Variants in GOLGA4 observed in about 807,000 individuals in gnomAD.
The protein encoded by GOLGA4 is golgin A4.
In GOLGA4, 169 loss-of-function variants were observed where a neutral mutation model predicts 265.9. The observed-to-expected ratio is 0.64, with a 90% CI of 0.56 to 0.72. The LOEUF (loss-of-function observed/expected upper bound fraction) is 0.72. GOLGA4 is among the 30% of genes least tolerant of loss of function. GOLGA4 has a pLI of 0.00. For synonymous variants in GOLGA4, 923 were observed against 855.8 expected, an observed-to-expected ratio of 1.08 and a Z score of -1.37; for missense variants, 2,482 against 2,483.4, an observed-to-expected ratio of 1.00 and a Z score of 0.01.
chr3:37,301,719 T>C (rs2096893147), intron 9 of GOLGA4, among the ~76,000 whole-genome samples: 1 of 152,218 alleles, frequency 6.6e-6, no homozygotes, highest in African/African-American at 2.4e-5. Context: ...GTTTGTGAAG[T>C]ATTGAAATAA....
chr3:37,349,850 T>A (rs1357195513), intron 21 of GOLGA4, among the ~76,000 whole-genome samples: 1 of 152,206 alleles, frequency 6.6e-6, no homozygotes. Context: ...TTTCTTCGTC[T>A]GCTTTTGTAC....
Position 37,251,477 on chromosome 3 carries a change from A to G in GOLGA4, c.155A>G (p.Asn52Ser). The G allele has an allele frequency of 1.3e-6, 2 of 1,588,860 alleles. No homozygotes were observed. Among genetic ancestry groups the G allele is most frequent in the Non-Finnish European group, 1.7e-6 (2 of 1,157,018 alleles). ...FTEQLDEGTPNRESGDTQSFA... is the reference protein window; with the variant it reads ...FTEQLDEGTPSRESGDTQSFA... ...GAGCAACTTGATGAAGGTACACCCA[A>G]TAGAGAGGTAAGTTTGGAATTCCTT... is the stretch of plus-strand genomic sequence containing the variant. Residue 52 changes from asparagine to serine, a missense_variant, in exon 2 of 24, where the codon AAT becomes AGT. Asn to Ser is a conservative substitution (Grantham distance 46). This residue lies in a region of GOLGA4 where 1,536 missense variants were observed against 1,483.7 expected (regional missense o/e 1.04). Transcript: ENST00000361924.
intron 2 of GOLGA4, among the ~76,000 whole-genome samples, chr3:37,281,325 G>A (rs9855226): frequency 0.014 from 2,097 of 152,178 alleles, 46 homozygotes; most frequent in African/African-American, 0.049. Context: ...TTTATTCCTA[G>A]TAGACAAATG....
chr3:37,347,354 A>G, intron 21 of GOLGA4, 58 bp downstream of exon 21: 3 of 921,970 alleles, frequency 3.3e-6, no homozygotes, highest in Non-Finnish European at 3.6e-6. Context: ...AATATGTTCC[A>G]CTTTTAATAC....
At chr3:37,258,013 A>ATATATGTATG (rs2096756821) in intron 2 of GOLGA4, among the ~76,000 whole-genome samples, 1 of 43,088 alleles carries the variant, frequency 2.3e-5, no homozygotes, top group South Asian at 3.8e-4. Context: ...ATACATACAT[A>ATATATGTATG]TATATATGTA....
At chr3:37,293,944 A>G (rs1391790670) in intron 5 of GOLGA4, among the ~76,000 whole-genome samples, 1 of 152,222 alleles carries the variant, frequency 6.6e-6, no homozygotes, top group Non-Finnish European at 1.5e-5. Flanking sequence ...TTGTAACACA[A>G]TGGTAAGTAT....
chr3:37,354,135 C>T (rs900294173), intron 21 of GOLGA4, among the ~76,000 whole-genome samples: 3 of 151,952 alleles, frequency 2.0e-5, no homozygotes, highest in Non-Finnish European at 2.9e-5. Context: ...TTCCTAATGA[C>T]GTGAGTCTCC....
At chr3:37,307,378 AT>A (rs1328718918) in intron 10 of GOLGA4, among the ~76,000 whole-genome samples, 2 of 152,202 alleles carry the variant, frequency 1.3e-5, no homozygotes, top group Non-Finnish European at 2.9e-5. Context: ...AGATTTATGC[AT>A]TTTTATATAA....
Position 37,275,257 on chromosome 3 carries a change from A to C in GOLGA4, c.163-6701A>C, listed in dbSNP as rs532867406. 4.2e-4 allele frequency among the ~76,000 whole-genome samples: 62 copies of C among 147,212 alleles called. No individual in the cohort carries two copies. The East Asian group carries it at 6.2e-3, about 15-fold the overall frequency. ...AAAAAAAAAAGAAAAAAAAAACCCCAAAAAAACAAATGTTTAAATGAGCTT... is the reference window on the plus strand; with the variant it reads ...AAAAAAAAAAGAAAAAAAAAACCCCCAAAAAACAAATGTTTAAATGAGCTT... On this transcript the variant is annotated intron_variant, in intron 2 of 23. Coordinates refer to ENST00000361924, the MANE Select transcript of GOLGA4 (RefSeq NM_002078.5).
At chr3:37,287,615 A>T (rs1217846038) in intron 4 of GOLGA4, 1 of 152,252 alleles carries the variant, frequency 6.6e-6, no homozygotes, top group African/African-American at 2.4e-5. Context: ...TGTAAGAGGT[A>T]AGGAGGAGAG....
intron 14 of GOLGA4, 22 bp downstream of exon 14, chr3:37,327,847 A>G (rs762150422): frequency 1.3e-6 from 2 of 1,556,828 alleles, no homozygotes; most frequent in South Asian, 1.2e-5. Flanking sequence ...TTCAGCTTGA[A>G]TATTTTTATG....
intron 2 of GOLGA4, among the ~76,000 whole-genome samples, chr3:37,254,138 A>G (rs7432057): frequency 6.6e-6 from 1 of 152,244 alleles, no homozygotes; most frequent in East Asian, 1.9e-4. Context: ...AAATGATGCC[A>G]TTAATACTGA....
Position 37,327,215 on chromosome 3 carries a change from T to C in GOLGA4, c.5329T>C (p.Leu1777=). The change falls in exon 14 of 24, where the codon TTA becomes CTA. Residue 1777 remains leucine, a synonymous_variant. Coordinates refer to ENST00000361924, the MANE Select transcript of GOLGA4 (RefSeq NM_002078.5). ...FEMRCQYQER[L]IKLEHAEAKQ... is the part of the protein sequence containing the mutation. ...AATGCGATGCCAATACCAGGAGCGCTTAATAAAGCTAGAACATGCTGAGGC... is the reference window on the plus strand; with the variant it reads ...AATGCGATGCCAATACCAGGAGCGCCTAATAAAGCTAGAACATGCTGAGGC... 3 of 1,613,850 alleles carry C rather than the reference T, an allele frequency of 1.9e-6. No homozygotes were observed. The highest frequency in any genetic ancestry group is 4.5e-5 in the East Asian group (2 of 44,862).
chr3:37,316,800 AT>A (rs757843786), intron 11 of GOLGA4, among the ~76,000 whole-genome samples: 4 of 150,418 alleles, frequency 2.7e-5, no homozygotes, highest in African/African-American at 4.9e-5. Flanking sequence ...CTCTTCTCTG[AT>A]TTTTTTTTCT....
At chr3:37,315,114 T>A (rs554876324) in intron 10 of GOLGA4, among the ~76,000 whole-genome samples, 1 of 152,326 alleles carries the variant, frequency 6.6e-6, no homozygotes, top group East Asian at 1.9e-4. Flanking sequence ...AAATGTACTA[T>A]CCATAAGGAA....
At chr3:37,247,483 C>A (rs923082118) in intron 1 of GOLGA4, among the ~76,000 whole-genome samples, 2 of 152,298 alleles carry the variant, frequency 1.3e-5, no homozygotes, top group South Asian at 4.1e-4. Flanking sequence ...AGGGTGACAT[C>A]TGAGTAGAGC....
At chr3:37,336,766 AAGAG>A (rs1029288447) in intron 17 of GOLGA4, among the ~76,000 whole-genome samples, 6 of 150,746 alleles carry the variant, frequency 4.0e-5, no homozygotes, top group Non-Finnish European at 7.4e-5. Flanking sequence ...GAGCAAAAGA[AAGAG>A]AGAAAGAGAG....
At chr3:37,287,431 A>G (rs1206197496) in intron 4 of GOLGA4, 2 of 152,272 alleles carry the variant, frequency 1.3e-5, no homozygotes, top group African/African-American at 4.8e-5. Context: ...TATCTTTTCA[A>G]TAGAGCCAAT....
At chr3:37,243,914 C>T (rs1409681607) in intron 1 of GOLGA4, 3 of 437,264 alleles carry the variant, frequency 6.9e-6, no homozygotes, top group Admixed American at 4.2e-5. Context: ...AGAGTCCGAA[C>T]TTGCATGATT....
Sources: allele counts gnomAD v4.1 joint callset (sites outside exome capture counted in the v4.1 genomes callset), GRCh38; gene constraint gnomAD v4.1.1; regional missense constraint gnomAD v4.1.1; transcripts MANE v1.5; gene names NCBI Gene and HGNC (gene_info 2026-07-23, HGNC 2026-07-21).